STK17B: variants seen among roughly 807,000 people sequenced by gnomAD.
The protein encoded by STK17B is serine/threonine-protein kinase 17B.
In STK17B, 21 loss-of-function variants were observed where a neutral mutation model predicts 42.0. That is an observed-to-expected ratio of 0.50 (90% CI 0.35 to 0.72). The LOEUF (loss-of-function observed/expected upper bound fraction) is 0.72. STK17B is among the 30% of genes least tolerant of loss of function. STK17B has a pLI of 0.00. For synonymous variants in STK17B, 143 were observed against 148.4 expected (o/e 0.96, Z 0.26); for missense variants, 349 against 446.0 (o/e 0.78, Z 1.96).
At chr2:196,146,170 CT>C (rs769239569) in intron 3 of STK17B, 115 bp from the exon 4 acceptor site, 3 of 1,120,248 alleles carry the variant, frequency 2.7e-6, no homozygotes, top group Non-Finnish European at 3.6e-6. Flanking sequence ...ATACGTTACA[CT>C]TAAAAATAGG....
intron 3 of STK17B, among the ~76,000 whole-genome samples, chr2:196,146,381 A>G (rs1478450310): frequency 2.6e-5 from 4 of 152,014 alleles, no homozygotes; most frequent in Non-Finnish European, 5.9e-5. Context: ...GCAGGTGCCT[A>G]TAATCTCAGC....
At chr2:196,160,228 A>G (rs1699793647) in intron 2 of STK17B, among the ~76,000 whole-genome samples, 1 of 139,302 alleles carries the variant, frequency 7.2e-6, no homozygotes, top group Non-Finnish European at 1.7e-5. Context: ...TGCATTCTAG[A>G]ATACACAATA....
chr2:196,167,969 T>C (rs1474223515), intron 1 of STK17B, among the ~76,000 whole-genome samples: 2 of 152,230 alleles, frequency 1.3e-5, no homozygotes, highest in Non-Finnish European at 2.9e-5. Context: ...GGAAGAACTT[T>C]CTCCTGGTGT....
rs989586326 is a variant in STK17B at position 196,147,738 on chromosome 2, T to A, written c.336-1683A>T. Among the ~76,000 whole-genome samples the A allele has an allele frequency of 1.5e-3, 219 of 142,596 alleles. 3 individuals carry two copies. The highest frequency in any genetic ancestry group is 4.8e-3 in the African/African-American group (163 of 33,738). 93.5% of individuals were successfully genotyped at this position (142,596 alleles called of 152,430 possible). A position where few individuals can be genotyped will look rare whatever the true frequency, so the allele number is the denominator to read the frequency against. On this transcript the variant is annotated intron_variant, in intron 3 of 7. Coordinates refer to ENST00000263955, the MANE Select transcript of STK17B (RefSeq NM_004226.4). ...TGTAAATTCATGAGACATAATATAT[T>A]TTTTTTTTTTTTGAGATGGAGTTTC... is the stretch of plus-strand genomic sequence containing the variant.
rs1699417980 is a variant in STK17B, at chr2:196,137,173, G to C, written c.*274C>G. On this transcript the variant is annotated 3_prime_UTR_variant, in exon 8 of 8. Transcript: ENST00000263955. ...GCAAAACATTCTGGTAAGTTCATTT[G>C]AAGTTGAATTATTTCATTAACATGT... 2 of 353,870 alleles carry C rather than the reference G, an allele frequency of 5.7e-6. No individual in the cohort carries two copies. Among genetic ancestry groups the C allele is most frequent in the South Asian group, 9.1e-5 (2 of 21,892 alleles). 21.9% of individuals were successfully genotyped at this position (353,870 alleles called of 1,614,324 possible).
chr2:196,163,300 A>C lies in STK17B; in HGVS notation c.84T>G (p.Phe28Leu), dbSNP rs754831402. The C allele has an allele frequency of 6.2e-7, 1 of 1,608,030 alleles. No individual in the cohort carries two copies. Among genetic ancestry groups the C allele is most frequent in the South Asian group, 1.1e-5 (1 of 90,042 alleles). The change falls in exon 2 of 8, where the codon TTT (phenylalanine) becomes TTG (leucine). Residue 28 changes from phenylalanine (F) to leucine (L), a missense_variant. Physicochemically the swap from Phe to Leu is conservative, Grantham distance 22. Coordinates refer to ENST00000263955, the MANE Select transcript of STK17B (RefSeq NM_004226.4). ...TPQIPIKMENFNNFYILTSKE... is the reference protein window; with the variant it reads ...TPQIPIKMENLNNFYILTSKE... ...TAGATGTAAGTATATAGAAATTATTAAAGTTTTCCATTTTTATTGGAATTT... is the reference window on the plus strand; with the variant it reads ...TAGATGTAAGTATATAGAAATTATTCAAGTTTTCCATTTTTATTGGAATTT...
chr2:196,137,495 A>C lies in STK17B; in HGVS notation c.1071T>G (p.Asp357Glu), dbSNP rs752170351. 10 of 1,614,160 alleles carry C rather than the reference A, an allele frequency of 6.2e-6. No homozygotes were observed. Among genetic ancestry groups the C allele is most frequent in the Non-Finnish European group, 7.6e-6 (9 of 1,180,002 alleles). Reference protein sequence around the residue: ...SSMVSKRFRFDDSLPNPHELV... With the variant: ...SSMVSKRFRFEDSLPNPHELV... ...GTTCATGGGGATTGGGTAATGAGTCATCGAAACGAAATCTTTTGGAAACCA... is the reference window on the plus strand; with the variant it reads ...GTTCATGGGGATTGGGTAATGAGTCCTCGAAACGAAATCTTTTGGAAACCA... Residue 357 changes from aspartate (D) to glutamate (E), a missense_variant, in exon 8 of 8, where the codon GAT becomes GAG. Asp to Glu is a conservative substitution (Grantham distance 45). Transcript: ENST00000263955.
At chr2:196,151,883 C>A (rs1486355816) in intron 3 of STK17B, among the ~76,000 whole-genome samples, 1 of 152,046 alleles carries the variant, frequency 6.6e-6, no homozygotes, top group Non-Finnish European at 1.5e-5. Context: ...AAATACTTTC[C>A]TATGAACTAT....
chr2:196,163,411 T>A lies in STK17B; in HGVS notation c.-28A>T. 6.4e-7 allele frequency: 1 copy of A among 1,556,000 alleles called. No homozygotes were observed. On this transcript the variant is annotated 5_prime_UTR_variant, in exon 2 of 8. Coordinates refer to ENST00000263955, the MANE Select transcript of STK17B (RefSeq NM_004226.4). ...TAGGTGATTCCCAGGTCTGCTTCTTTAGTCACTTATTTTTACCTATGCAAA... is the reference window on the plus strand; with the variant it reads ...TAGGTGATTCCCAGGTCTGCTTCTTAAGTCACTTATTTTTACCTATGCAAA...
At chr2:196,143,801 C>T (rs1475562045) in intron 4 of STK17B, 115 bp from the exon 5 acceptor site, 3 of 1,002,782 alleles carry the variant, frequency 3.0e-6, no homozygotes, top group Non-Finnish European at 4.0e-6. Flanking sequence ...TTCATTGAGT[C>T]ATGCATCAAA....
chr2:196,175,200 G>GT (rs35174071), upstream of STK17B, among the ~76,000 whole-genome samples: 41,191 of 151,920 alleles, frequency 0.27, 6,022 homozygotes, highest in African/African-American at 0.37. Flanking sequence ...CTTAAATCTA[G>GT]TATTTTATAC....
intron 4 of STK17B, among the ~76,000 whole-genome samples, chr2:196,144,859 T>C (rs1325163608): frequency 6.6e-6 from 1 of 152,086 alleles, no homozygotes; most frequent in Non-Finnish European, 1.5e-5. Context: ...TGGGGCAATC[T>C]CATGCTTGTT....
chr2:196,165,189 A>G (rs1699861464), intron 1 of STK17B, among the ~76,000 whole-genome samples: 1 of 152,210 alleles, frequency 6.6e-6, no homozygotes. Flanking sequence ...TGGGCCAATT[A>G]GGACACAGAC....
At chr2:196,173,981 A>G (rs2105723718), upstream of STK17B, among the ~76,000 whole-genome samples, 1 of 152,312 alleles carries the variant, frequency 6.6e-6, no homozygotes, top group South Asian at 2.1e-4. Flanking sequence ...TAGGACACAT[A>G]CAACACTGAC....
At chr2:196,169,689 C>A (rs1035762968) in intron 1 of STK17B, among the ~76,000 whole-genome samples, 4 of 152,162 alleles carry the variant, frequency 2.6e-5, no homozygotes, top group African/African-American at 9.7e-5. Context: ...GCTAACACAG[C>A]GATTAGTCAA....
chr2:196,156,446 A>G lies in STK17B; in HGVS notation c.328T>C (p.Leu110=). Residue 110 remains leucine (L), a synonymous_variant, in exon 3 of 8, where the codon TTG becomes CTG. Coordinates refer to ENST00000263955, the MANE Select transcript of STK17B (RefSeq NM_004226.4). ...TATTTAGTATATACTTACTATTCCA[A>G]TATCAAAATGATTTCACTTGTATTT... is the stretch of plus-strand genomic sequence containing the variant. ...YENTSEIILI[L]EYAAGGEIFS... 15 of 1,611,500 alleles carry G rather than the reference A, an allele frequency of 9.3e-6. No homozygotes were observed. Among genetic ancestry groups the G allele is most frequent in the East Asian group, 2.2e-5 (1 of 44,812 alleles).
intron 3 of STK17B, chr2:196,156,043 A>C (rs1699733777): frequency 6.3e-6 from 1 of 157,670 alleles, no homozygotes; most frequent in Non-Finnish European, 1.4e-5. Flanking sequence ...AAATATACAA[A>C]TTACTTCAAT....
intron 5 of STK17B, 129 bp downstream of exon 5, chr2:196,143,431 A>C (rs945588266): frequency 2.7e-5 from 24 of 899,072 alleles, no homozygotes; most frequent in Non-Finnish European, 4.8e-6. Context: ...GTTTTAATGT[A>C]TCAAAATACT....
intron 3 of STK17B, among the ~76,000 whole-genome samples, chr2:196,152,107 CTTTT>C (rs56369141): frequency 1.8e-4 from 23 of 130,768 alleles, no homozygotes; most frequent in Admixed American, 2.3e-4. Flanking sequence ...AAAAAAGTGC[CTTTT>C]TTTTTTTTTT....
Sources: gnomAD v4.1 joint callset for allele counts (sites outside exome capture counted in the v4.1 genomes callset) on GRCh38, gnomAD v4.1.1 for gene constraint, MANE v1.5 for transcripts, NCBI Gene and HGNC (gene_info 2026-07-23, HGNC 2026-07-21) for gene names.